Variants in HMCN1 observed in about 807,000 individuals in gnomAD.
The protein encoded by HMCN1 is hemicentin 1.
A neutral mutation model predicts 625.9 loss-of-function variants in HMCN1; 321 were observed. The observed-to-expected ratio is 0.51, with a 90% CI of 0.47 to 0.56. HMCN1 has a LOEUF of 0.56. Ranked by LOEUF, HMCN1 falls within the 20% of genes least tolerant of loss-of-function variation. The pLI is 0.00. For synonymous variants in HMCN1, 2,425 were observed against 2,417.6 expected, an observed-to-expected ratio of 1.00 and a Z score of -0.09; for missense variants, 6,588 against 6,887.3, an observed-to-expected ratio of 0.96 and a Z score of 1.54.
intron 4 of HMCN1, among the ~76,000 whole-genome samples, chr1:185,897,723 A>G (rs1665567905): frequency 6.6e-6 from 1 of 152,050 alleles, no homozygotes; most frequent in Non-Finnish European, 1.5e-5. Context: ...TTATGTATTT[A>G]TATGTCTTCC....
intron 71 of HMCN1, among the ~76,000 whole-genome samples, chr1:186,110,974 A>ATTTTTTTTTTTTTTTTTT (rs778503338): frequency 1.8e-4 from 11 of 59,940 alleles, no homozygotes; most frequent in African/African-American, 6.2e-4. Flanking sequence ...ACCAGAGAAA[A>ATTTTTTTTTTTTTTTTTT]TTCTTTTTTT....
At position 186,018,199 on chromosome 1, in the gene HMCN1, CA is replaced by C. The variant is rs1323841833; in HGVS notation, c.5318del (p.Gln1773ArgfsTer2). 6.2e-7 allele frequency: 1 copy of C among 1,612,360 alleles called. No homozygotes were observed. The highest frequency in any genetic ancestry group is 1.7e-5 in the Admixed American group (1 of 59,908). ...PPTIMWLKDG[Q>X]LIDERDGFKI... ...TTTCTATAGGTGGCTGAAGGATGGCCAGTTAATTGATGAAAGGGATGGATTC... is the reference window on the plus strand; with the variant it reads ...TTTCTATAGGTGGCTGAAGGATGGCCGTTAATTGATGAAAGGGATGGATTC... On this transcript the variant is annotated frameshift_variant, in exon 34 of 107. Transcript: ENST00000271588. LOFTEE classifies it high-confidence loss of function.
At chr1:185,929,717 T>G (rs1667451727) in intron 10 of HMCN1, among the ~76,000 whole-genome samples, 1 of 152,208 alleles carries the variant, frequency 6.6e-6, no homozygotes, top group South Asian at 2.1e-4. Flanking sequence ...TATCAGTAAG[T>G]TTAAGGTGAA....
rs749181575 is a variant in HMCN1, at chr1:185,981,069, A to C, written c.2658A>C (p.Gly886=). Residue 886 remains glycine, a synonymous_variant, in exon 17 of 107, where the codon GGA becomes GGC. Transcript: ENST00000271588. The part of the protein sequence containing the change: ...IQSETTVTVT[G]LVAPLIGISP... Reference sequence around the variant, plus strand: ...CAGAGACAACAGTAACAGTGACCGGACTTGGTAAGATCAATTGAATGTCTA... The same window carrying C: ...CAGAGACAACAGTAACAGTGACCGGCCTTGGTAAGATCAATTGAATGTCTA... 2 of 1,585,818 alleles carry C rather than the reference A, an allele frequency of 1.3e-6. No homozygotes were observed. Among genetic ancestry groups the C allele is most frequent in the Non-Finnish European group, 1.7e-6 (2 of 1,154,358 alleles).
At chr1:185,968,532 C>T (rs1650582535) in intron 14 of HMCN1, among the ~76,000 whole-genome samples, 1 of 150,838 alleles carries the variant, frequency 6.6e-6, no homozygotes, top group Non-Finnish European at 1.5e-5. Flanking sequence ...AAAAATTCAC[C>T]AGGGTCCCCA....
At chr1:185,889,130 G>A (rs1393792814) in intron 4 of HMCN1, among the ~76,000 whole-genome samples, 1 of 143,698 alleles carries the variant, frequency 7.0e-6, no homozygotes, top group Admixed American at 6.8e-5. Flanking sequence ...TGGTGTATAG[G>A]AATGCTTGTG....
chr1:186,189,453 A>G (rs1240695261), intron 106 of HMCN1, 59 bp from the exon 107 acceptor site: 4 of 1,595,048 alleles, frequency 2.5e-6, no homozygotes, highest in Non-Finnish European at 3.4e-6. Flanking sequence ...GATCACCTAT[A>G]TCATGCCTCC....
intron 64 of HMCN1, among the ~76,000 whole-genome samples, chr1:186,091,251 A>G (rs1425990210): frequency 6.6e-6 from 1 of 152,026 alleles, no homozygotes; most frequent in Non-Finnish European, 1.5e-5. Flanking sequence ...CCCATGCCAT[A>G]AAAATAATTA....
At chr1:186,069,430 T>A (rs1658344348) in intron 50 of HMCN1, among the ~76,000 whole-genome samples, 1 of 152,156 alleles carries the variant, frequency 6.6e-6, no homozygotes, top group Non-Finnish European at 1.5e-5. Flanking sequence ...ATGGCAGGTC[T>A]GAATGAGCAT....
intron 80 of HMCN1, among the ~76,000 whole-genome samples, chr1:186,122,072 T>C (rs1420531485): frequency 6.6e-6 from 1 of 152,132 alleles, no homozygotes; most frequent in Non-Finnish European, 1.5e-5. Flanking sequence ...CATGAAATGA[T>C]TGAAATTATT....
chr1:185,869,451 T>C (rs1035349665), intron 4 of HMCN1, among the ~76,000 whole-genome samples: 6 of 152,170 alleles, frequency 3.9e-5, no homozygotes, highest in African/African-American at 1.4e-4. Context: ...AGTGTTGGTA[T>C]TATGCTTTTA....
At chr1:185,783,509 A>G (rs1387123454) in intron 1 of HMCN1, among the ~76,000 whole-genome samples, 1 of 152,094 alleles carries the variant, frequency 6.6e-6, no homozygotes, top group African/African-American at 2.4e-5. Flanking sequence ...ATGGTGACGT[A>G]CGGATGGGGT....
At chr1:185,997,073 TA>T (rs1448260792) in intron 24 of HMCN1, among the ~76,000 whole-genome samples, 1 of 151,950 alleles carries the variant, frequency 6.6e-6, no homozygotes, top group Non-Finnish European at 1.5e-5. Context: ...GTCTTAAGCA[TA>T]GAGAGGAAGA....
chr1:185,740,976 A>C (rs2102068380), intron 1 of HMCN1, among the ~76,000 whole-genome samples: 1 of 152,298 alleles, frequency 6.6e-6, no homozygotes, highest in Middle Eastern at 3.4e-3. Context: ...CCTGGGCAAT[A>C]GAGGAAGACT....
intron 4 of HMCN1, among the ~76,000 whole-genome samples, chr1:185,881,061 T>C (rs1664275570): frequency 6.6e-6 from 1 of 152,208 alleles, no homozygotes; most frequent in African/African-American, 2.4e-5. Flanking sequence ...GTTACACTGC[T>C]CTTTTAGCTC....
At chr1:186,057,107 A>G (rs931215028) in intron 45 of HMCN1, 127 bp from the exon 46 acceptor site, 12 of 775,260 alleles carry the variant, frequency 1.5e-5, no homozygotes, top group Middle Eastern at 3.5e-4. Flanking sequence ...ACTATTAATC[A>G]GAAAATGGAA....
At chr1:185,886,075 A>T (rs528931335) in intron 4 of HMCN1, among the ~76,000 whole-genome samples, 31 of 152,272 alleles carry the variant, frequency 2.0e-4, no homozygotes, top group Non-Finnish European at 1.6e-4. Flanking sequence ...CATCATTTAC[A>T]TAACTCAGTG....
At chr1:185,852,441 C>T (rs886918262) in intron 2 of HMCN1, among the ~76,000 whole-genome samples, 3 of 151,682 alleles carry the variant, frequency 2.0e-5, no homozygotes, top group Non-Finnish European at 4.4e-5. Flanking sequence ...TATATGTCAT[C>T]ATGGACATAG....
intron 23 of HMCN1, 87 bp downstream of exon 23, chr1:185,993,396 C>A: frequency 1.3e-6 from 2 of 1,485,204 alleles, no homozygotes; most frequent in Non-Finnish European, 1.9e-6. Flanking sequence ...AGTTAATTTC[C>A]AAATTGTATA....
Sources: allele counts gnomAD v4.1 joint callset (sites outside exome capture counted in the v4.1 genomes callset), GRCh38; gene constraint gnomAD v4.1.1; transcripts MANE v1.5; gene names NCBI Gene and HGNC (gene_info 2026-07-23, HGNC 2026-07-21).